Variants in NAALADL2 observed in about 807,000 individuals in gnomAD.
The protein encoded by NAALADL2 is N-acetylated alpha-linked acidic dipeptidase like 2.
In NAALADL2, 76 loss-of-function variants were observed where a neutral mutation model predicts 87.2. The ratio of observed to expected loss-of-function variants is 0.87; its 90% CI spans 0.72 to 1.05. The LOEUF is 1.05. NAALADL2 is among the 50% of genes least tolerant of loss of function. The probability of loss-of-function intolerance (pLI) is 0.00; values close to 1 mark genes in which losing one functional copy is unlikely to be tolerated. For missense variants in NAALADL2, 1,089 were observed against 945.8 expected (o/e 1.15, Z -1.99); for synonymous variants, 354 against 331.0 (o/e 1.07, Z -0.75).
intron 5 of NAALADL2, among the ~76,000 whole-genome samples, chr3:175,344,911 A>T (rs2148853125): frequency 6.6e-6 from 1 of 152,264 alleles, no homozygotes; most frequent in East Asian, 1.9e-4. Context: ...TTTTATTATT[A>T]TCGCTGTTAT....
chr3:175,394,415 C>G (rs73186711), intron 5 of NAALADL2, among the ~76,000 whole-genome samples: 9,763 of 152,150 alleles, frequency 0.064, 410 homozygotes, highest in Non-Finnish European at 0.089. Flanking sequence ...CTTAAATATC[C>G]TGACATGATA....
intron 2 of NAALADL2, among the ~76,000 whole-genome samples, chr3:174,735,855 G>A (rs759027351): frequency 9.2e-5 from 14 of 152,268 alleles, no homozygotes; most frequent in East Asian, 3.9e-4. Flanking sequence ...CACTGGGCTC[G>A]TTCTGCCCAC....
intron 2 of NAALADL2, among the ~76,000 whole-genome samples, chr3:174,686,216 C>T (rs1158263352): frequency 1.3e-5 from 2 of 152,104 alleles, no homozygotes; most frequent in Non-Finnish European, 2.9e-5. Flanking sequence ...AATGGTATTT[C>T]TGTCTTTAAG....
intron 2 of NAALADL2, among the ~76,000 whole-genome samples, chr3:175,098,741 T>C (rs1277095976): frequency 6.6e-6 from 1 of 152,158 alleles, no homozygotes; most frequent in Admixed American, 6.5e-5. Context: ...CAGGATGTTA[T>C]TAGAAAACAA....
chr3:175,635,929 G>A (rs971198001), intron 11 of NAALADL2, among the ~76,000 whole-genome samples: 64 of 151,996 alleles, frequency 4.2e-4, no homozygotes, highest in African/African-American at 1.5e-3. Flanking sequence ...AAAAGCTCCA[G>A]ACAATCCCTA....
At chr3:174,838,376 C>T (rs1015733864) in intron 3 of NAALADL2, among the ~76,000 whole-genome samples, 6 of 152,130 alleles carry the variant, frequency 3.9e-5, no homozygotes, top group East Asian at 1.9e-4. Flanking sequence ...GACAGACCCA[C>T]GGCCAACATA....
intron 11 of NAALADL2, chr3:175,675,373 T>G (rs911718926): frequency 2.6e-5 from 4 of 152,202 alleles, no homozygotes; most frequent in Non-Finnish European, 4.4e-5. Context: ...GTGTGAATAG[T>G]GGTACAAATG....
chr3:175,544,777 C>T (rs946770281), intron 9 of NAALADL2, among the ~76,000 whole-genome samples: 21 of 152,154 alleles, frequency 1.4e-4, no homozygotes, highest in Admixed American at 1.2e-3. Flanking sequence ...ATGTCCAAGT[C>T]GATGCCACTC....
At chr3:175,798,874 T>G (rs540491950) in intron 13 of NAALADL2, among the ~76,000 whole-genome samples, 2 of 152,160 alleles carry the variant, frequency 1.3e-5, no homozygotes, top group African/African-American at 4.8e-5. Context: ...ATCATTAAAT[T>G]GAATATGGAT....
intron 1 of NAALADL2, among the ~76,000 whole-genome samples, chr3:175,026,688 G>A (rs1024405408): frequency 8.6e-5 from 13 of 151,716 alleles, no homozygotes; most frequent in African/African-American, 2.7e-4. Flanking sequence ...GAGCTAGTGG[G>A]AAGCAATATC....
intron 11 of NAALADL2, among the ~76,000 whole-genome samples, chr3:175,666,655 A>T (rs1225576061): frequency 6.6e-6 from 1 of 152,168 alleles, no homozygotes; most frequent in Non-Finnish European, 1.5e-5. Context: ...TTAGCTTTGT[A>T]GCTAGCAGAA....
intron 5 of NAALADL2, among the ~76,000 whole-genome samples, chr3:175,361,489 TAA>T (rs1765004066): frequency 6.7e-6 from 1 of 148,302 alleles, no homozygotes; most frequent in Admixed American, 6.9e-5. Context: ...ACCAACAGTG[TAA>T]AAGTGTTCCT....
intron 10 of NAALADL2, among the ~76,000 whole-genome samples, chr3:175,615,585 T>G (rs1201090510): frequency 6.6e-6 from 1 of 152,116 alleles, no homozygotes; most frequent in East Asian, 1.9e-4. Context: ...TGGCCGGGCA[T>G]GATGGCTCAT....
intron 2 of NAALADL2, among the ~76,000 whole-genome samples, chr3:175,144,024 C>T (rs558420893): frequency 1.3e-5 from 2 of 151,656 alleles, no homozygotes; most frequent in East Asian, 3.9e-4. Context: ...TGAGTAAAAT[C>T]GTGAATGAGG....
At chr3:175,340,912 A>G (rs1340287225) in intron 5 of NAALADL2, among the ~76,000 whole-genome samples, 1 of 152,146 alleles carries the variant, frequency 6.6e-6, no homozygotes, top group Non-Finnish European at 1.5e-5. Context: ...TAGAAGAATA[A>G]GATGTTACAG....
At chr3:174,957,797 T>C (rs771500520) in intron 1 of NAALADL2, among the ~76,000 whole-genome samples, 3 of 151,970 alleles carry the variant, frequency 2.0e-5, no homozygotes, top group Non-Finnish European at 4.4e-5. Flanking sequence ...ATGAATTGAA[T>C]AAAGAAGCTT....
At chr3:174,649,051 C>T (rs970034551) in intron 2 of NAALADL2, among the ~76,000 whole-genome samples, 1 of 152,102 alleles carries the variant, frequency 6.6e-6, no homozygotes, top group Admixed American at 6.6e-5. Context: ...ACCTCTGCCT[C>T]CCAGGTTCAA....
chr3:175,493,719 G>A (rs16825843), intron 9 of NAALADL2, among the ~76,000 whole-genome samples: 5 of 152,106 alleles, frequency 3.3e-5, no homozygotes, highest in African/African-American at 1.2e-4. Flanking sequence ...AATAGTCACC[G>A]GTATAACAAA....
rs575283952 is a variant in NAALADL2, at chr3:175,461,817, G to A, written c.1235-1584G>A. On this transcript the variant is annotated intron_variant, in intron 6 of 13. Coordinates refer to ENST00000454872, the MANE Select transcript of NAALADL2 (RefSeq NM_207015.3). ...ATGTGGATCGTTTGGAACAAAGCTT[G>A]AGCAGGGAATTAGACAAACAATCAA... 9.2e-5 allele frequency among the ~76,000 whole-genome samples: 14 copies of A among 152,230 alleles called. No homozygotes were observed. In the South Asian group the frequency reaches 1.2e-3, roughly 14 times the overall value.
Sources: allele counts gnomAD v4.1 joint callset (sites outside exome capture counted in the v4.1 genomes callset), GRCh38; gene constraint gnomAD v4.1.1; transcripts MANE v1.5; gene names NCBI Gene and HGNC (gene_info 2026-07-23, HGNC 2026-07-21).